Variants in TASP1 observed in about 807,000 individuals in gnomAD.
The protein encoded by TASP1 is threonine aspartase 1.
TASP1 carries 16 observed loss-of-function variants against 56.6 expected under a neutral mutation model. The ratio of observed to expected loss-of-function variants is 0.28; its 90% CI spans 0.19 to 0.43. The LOEUF is 0.43. Ranked by LOEUF, TASP1 falls within the 20% of genes least tolerant of loss-of-function variation. The pLI is 1.00. For missense variants in TASP1, 393 were observed against 511.6 expected, an observed-to-expected ratio of 0.77 and a Z score of 2.24; for synonymous variants, 179 against 184.2, an observed-to-expected ratio of 0.97 and a Z score of 0.23.
At chr20:13,386,212 C>T (rs2041161686), downstream of TASP1, among the ~76,000 whole-genome samples, 2 of 152,164 alleles carry the variant, frequency 1.3e-5, no homozygotes, top group East Asian at 1.9e-4. Flanking sequence ...ATTGTGTAAA[C>T]CTATAGGTCT....
intron 3 of TASP1, 90 bp from the exon 4 acceptor site, chr20:13,623,604 T>C (rs2048791560): frequency 1.0e-6 from 1 of 1,000,996 alleles, no homozygotes; most frequent in Non-Finnish European, 1.5e-6. Context: ...GACACTTAGA[T>C]TAATAAAAAT....
At chr20:13,430,928 AAAGTCTACATAAC>A (rs2042784108) in intron 12 of TASP1, among the ~76,000 whole-genome samples, 1 of 152,204 alleles carries the variant, frequency 6.6e-6, no homozygotes. Flanking sequence ...TGTCAAGAGG[AAAGTCTACATAAC>A]GGCTTCCAGG....
chr20:13,299,151 C>T, the TASP1 span: 1 of 1,612,010 alleles, frequency 6.2e-7, no homozygotes, highest in Non-Finnish European at 8.5e-7. The surrounding 1 kb of genome is among the most constrained non-coding windows in gnomAD (Gnocchi z 5.8). Context: ...GATCTACAAG[C>T]CCACTGCCCG....
chr20:13,510,954 T>C (rs1226658232), intron 10 of TASP1, among the ~76,000 whole-genome samples: 10 of 152,056 alleles, frequency 6.6e-5, no homozygotes, highest in Non-Finnish European at 1.3e-4. Context: ...TCTACTCCCT[T>C]CTCCTTTCCA....
intron 11 of TASP1, among the ~76,000 whole-genome samples, chr20:13,465,273 G>A (rs73078078): frequency 0.035 from 5,234 of 147,476 alleles, 127 homozygotes; most frequent in Non-Finnish European, 0.053. Flanking sequence ...TTAAAAAGCA[G>A]ATGACTAGGA....
intron 10 of TASP1, among the ~76,000 whole-genome samples, chr20:13,497,631 A>G (rs1314897104): frequency 6.6e-6 from 1 of 152,188 alleles, no homozygotes; most frequent in Non-Finnish European, 1.5e-5. Context: ...TACCATCAGA[A>G]TATCTCAAGC....
chr20:13,584,502 A>G (rs1240089232), intron 5 of TASP1, among the ~76,000 whole-genome samples: 1 of 147,486 alleles, frequency 6.8e-6, no homozygotes, highest in Non-Finnish European at 1.5e-5. Flanking sequence ...ATAAAACTGC[A>G]TAATAAGAGA....
intron 7 of TASP1, among the ~76,000 whole-genome samples, chr20:13,565,847 G>GC (rs1321193345): frequency 6.6e-6 from 1 of 151,998 alleles, no homozygotes; most frequent in African/African-American, 2.4e-5. Context: ...CCATTTCGGG[G>GC]TACCCAAAAA....
intron 12 of TASP1, among the ~76,000 whole-genome samples, chr20:13,430,728 G>A (rs2042777260): frequency 6.6e-6 from 1 of 152,216 alleles, no homozygotes; most frequent in African/African-American, 2.4e-5. Flanking sequence ...GAAGGGAGGA[G>A]CATTCAACAA....
chr20:13,384,641 A>T (rs1038819064), downstream of TASP1, among the ~76,000 whole-genome samples: 1 of 152,184 alleles, frequency 6.6e-6, no homozygotes, highest in African/African-American at 2.4e-5. Context: ...TTAAGGCCCC[A>T]GAACAAATAT....
chr20:13,180,141 A>G, the TASP1 span, among the ~76,000 whole-genome samples: 2 of 152,234 alleles, frequency 1.3e-5, no homozygotes, highest in Non-Finnish European at 2.9e-5. Context: ...AATGATTTCA[A>G]GAATAAATTC....
the TASP1 span, among the ~76,000 whole-genome samples, chr20:13,367,909 C>T: frequency 6.6e-6 from 1 of 152,142 alleles, no homozygotes; most frequent in Non-Finnish European, 1.5e-5. Context: ...TCCAGCTACC[C>T]CGGAGCTATG....
the TASP1 span, among the ~76,000 whole-genome samples, chr20:13,259,251 A>C: frequency 2.6e-5 from 4 of 151,398 alleles, no homozygotes; most frequent in African/African-American, 9.7e-5. Context: ...ACTGCACTCC[A>C]GCCTGGGCGA....
At chr20:13,345,446 T>A in the TASP1 span, among the ~76,000 whole-genome samples, 497 of 152,254 alleles carry the variant, frequency 3.3e-3, 1 homozygote, top group East Asian at 0.01. Context: ...CTGTAGTGCC[T>A]CCATCCCTCC....
chr20:13,194,031 C>A, the TASP1 span, among the ~76,000 whole-genome samples: 4 of 152,106 alleles, frequency 2.6e-5, no homozygotes, highest in African/African-American at 9.7e-5. Context: ...AAAAGGTAGA[C>A]CAACTTCCTT....
chr20:13,117,406 G>T, the TASP1 span: 1 of 1,123,458 alleles, frequency 8.9e-7, no homozygotes, highest in Non-Finnish European at 1.2e-6. Flanking sequence ...AAGGAATGGC[G>T]TGTGTCAGGG....
the TASP1 span, among the ~76,000 whole-genome samples, chr20:13,294,214 AT>A: frequency 6.6e-6 from 1 of 152,284 alleles, no homozygotes; most frequent in Admixed American, 6.5e-5. Flanking sequence ...ATAGAAATTT[AT>A]TTTAAAAACA....
the TASP1 span, among the ~76,000 whole-genome samples, chr20:13,236,157 T>C: frequency 2.0e-5 from 3 of 152,082 alleles, no homozygotes; most frequent in African/African-American, 7.2e-5. Context: ...TCTCTTAACC[T>C]TGTGATCCAC....
chr20:13,463,917 A>G (rs927517738), intron 11 of TASP1, among the ~76,000 whole-genome samples: 3 of 152,150 alleles, frequency 2.0e-5, no homozygotes, highest in Non-Finnish European at 1.5e-5. Context: ...TAAAATGTGC[A>G]GCTGCTAAGG....
Sources: allele counts gnomAD v4.1 joint callset (sites outside exome capture counted in the v4.1 genomes callset), GRCh38; gene constraint gnomAD v4.1.1; non-coding constraint Gnocchi (gnomAD v3.1); transcripts MANE v1.5; gene names NCBI Gene and HGNC (gene_info 2026-07-23, HGNC 2026-07-21).